LCMT1: variants seen among roughly 807,000 people sequenced by gnomAD.
LCMT1 encodes [Phosphatase 2A protein]-leucine-carboxy methyltransferase 1.
A neutral mutation model predicts 47.7 loss-of-function variants in LCMT1; 32 were observed. The observed-to-expected ratio is 0.67, with a 90% CI of 0.51 to 0.90. The LOEUF (loss-of-function observed/expected upper bound fraction) is 0.90, where lower values mean the gene tolerates loss of function less well. LCMT1 is among the 40% of genes least tolerant of loss of function. LCMT1 has a pLI of 0.00. For synonymous variants in LCMT1, 152 were observed against 149.7 expected (o/e 1.02, Z -0.11); for missense variants, 375 against 415.2 (o/e 0.90, Z 0.84).
At chr16:25,177,296 A>G (rs971286656) in intron 10 of LCMT1, among the ~76,000 whole-genome samples, 2 of 152,186 alleles carry the variant, frequency 1.3e-5, no homozygotes, top group Non-Finnish European at 2.9e-5. Flanking sequence ...GACTAAGAAA[A>G]TCCACCTGTA....
intron 1 of LCMT1, among the ~76,000 whole-genome samples, chr16:25,124,249 T>G (rs1259381968): frequency 1.3e-5 from 2 of 152,206 alleles, no homozygotes; most frequent in Admixed American, 1.3e-4. Context: ...TTTTTCAGAA[T>G]GTATCCTCAT....
intron 1 of LCMT1, among the ~76,000 whole-genome samples, chr16:25,123,292 T>C (rs1472294479): frequency 6.7e-6 from 1 of 149,136 alleles, no homozygotes; most frequent in African/African-American, 2.5e-5. Flanking sequence ...TGGTGCAATC[T>C]TGGCTCACTG....
intron 1 of LCMT1, among the ~76,000 whole-genome samples, chr16:25,113,674 G>A (rs1490787275): frequency 2.6e-5 from 4 of 152,122 alleles, no homozygotes; most frequent in Non-Finnish European, 5.9e-5. Flanking sequence ...TTCTTCTGTG[G>A]CTTTCAGTTG....
At chr16:25,140,590 T>G (rs1960655901) in intron 4 of LCMT1, 1 of 253,328 alleles carries the variant, frequency 3.9e-6, no homozygotes, top group African/African-American at 2.2e-5. Flanking sequence ...GTTGGCTCCC[T>G]GAAGAGGCTT....
intron 3 of LCMT1, 200 bp from the exon 4 acceptor site, chr16:25,139,970 TC>T: frequency 1.8e-6 from 1 of 551,236 alleles, no homozygotes; most frequent in Non-Finnish European, 3.2e-6. Flanking sequence ...TCCTCTGGCT[TC>T]CTGACTTTTT....
At chr16:25,166,602 C>T (rs1228183796) in intron 7 of LCMT1, among the ~76,000 whole-genome samples, 1 of 152,086 alleles carries the variant, frequency 6.6e-6, no homozygotes, top group East Asian at 1.9e-4. Context: ...AGGGTTTCGC[C>T]ATGTTGCCCA....
At chr16:25,145,535 A>G (rs1179406438) in intron 4 of LCMT1, 2 of 152,224 alleles carry the variant, frequency 1.3e-5, no homozygotes, top group Non-Finnish European at 2.9e-5. Flanking sequence ...AGTGTAGTAG[A>G]GTGAAAAACT....
chr16:25,160,856 A>T, intron 5 of LCMT1: 3 of 616,870 alleles, frequency 4.9e-6, no homozygotes, highest in Non-Finnish European at 9.2e-6. Context: ...TGTGCATGAG[A>T]GGGGATGTGT....
chr16:25,167,089 G>A (rs1961611533), intron 7 of LCMT1, among the ~76,000 whole-genome samples: 1 of 152,124 alleles, frequency 6.6e-6, no homozygotes, highest in South Asian at 2.1e-4. Flanking sequence ...AGTGAATTCT[G>A]ACCAGAGATC....
chr16:25,137,636 G>C (rs1960542070), intron 3 of LCMT1, among the ~76,000 whole-genome samples: 1 of 151,538 alleles, frequency 6.6e-6, no homozygotes, highest in Non-Finnish European at 1.5e-5. Flanking sequence ...TAGAGATAGG[G>C]TCTTGCTGTG....
intron 8 of LCMT1, among the ~76,000 whole-genome samples, chr16:25,170,229 T>A (rs1363288151): frequency 6.6e-6 from 1 of 150,680 alleles, no homozygotes; most frequent in Non-Finnish European, 1.5e-5. Context: ...CAAAAAAAAA[T>A]TAAATAAATA....
intron 9 of LCMT1, 103 bp downstream of exon 9, chr16:25,170,908 T>C: frequency 1.3e-6 from 1 of 794,952 alleles, no homozygotes; most frequent in Non-Finnish European, 2.0e-6. Context: ...ATGTGGAGAT[T>C]TCATTAAAAA....
intron 10 of LCMT1, among the ~76,000 whole-genome samples, chr16:25,176,453 A>G (rs1434001316): frequency 2.0e-5 from 3 of 150,444 alleles, no homozygotes; most frequent in African/African-American, 7.4e-5. Context: ...GCCCCTTTGG[A>G]CCTGTCATTC....
chr16:25,149,910 CAAAA>C (rs34229848), intron 4 of LCMT1, among the ~76,000 whole-genome samples: 4 of 60,198 alleles, frequency 6.6e-5, no homozygotes, highest in African/African-American at 1.3e-4. Flanking sequence ...AAGACTGTCT[CAAAA>C]AAAAAAAAAA....
chr16:25,134,600 G>A (rs1023717685), intron 3 of LCMT1, among the ~76,000 whole-genome samples: 1 of 151,912 alleles, frequency 6.6e-6, no homozygotes, highest in Non-Finnish European at 1.5e-5. Flanking sequence ...TTGTTTTTCC[G>A]TCATTGTTAT....
At chr16:25,130,509 G>A (rs1960319330) in intron 2 of LCMT1, among the ~76,000 whole-genome samples, 1 of 152,108 alleles carries the variant, frequency 6.6e-6, no homozygotes, top group Admixed American at 6.6e-5. Flanking sequence ...AAATTAGCCA[G>A]GTGTGGTGGC....
rs751041936 is a variant in LCMT1 at position 25,151,551 on chromosome 16, T to G, written c.405-3T>G. The G allele has an allele frequency of 6.2e-7, 1 of 1,611,856 alleles. No homozygotes were observed. ...TTTTCTCCTCTTTCCCATCTTCCCATAGATGCAAGCCTCCCCTATCCAGCC... is the reference window on the plus strand; with the variant it reads ...TTTTCTCCTCTTTCCCATCTTCCCAGAGATGCAAGCCTCCCCTATCCAGCC... On this transcript the variant is annotated splice_polypyrimidine_tract_variant and splice_region_variant and intron_variant, in intron 4 of 10. Transcript: ENST00000399069.
intron 5 of LCMT1, 108 bp downstream of exon 5, chr16:25,151,723 G>GTGTGT (rs56191741): frequency 4.9e-4 from 359 of 739,164 alleles, no homozygotes; most frequent in Non-Finnish European, 6.4e-4. Flanking sequence ...GTGTGTGTGT[G>GTGTGT]GTGTTATACA....
chr16:25,156,056 G>T (rs576569771), intron 5 of LCMT1, among the ~76,000 whole-genome samples: 1 of 152,088 alleles, frequency 6.6e-6, no homozygotes, highest in Non-Finnish European at 1.5e-5. Flanking sequence ...TGCCAAGAAT[G>T]TTCTTCCCCT....
Sources: allele counts gnomAD v4.1 joint callset (sites outside exome capture counted in the v4.1 genomes callset), GRCh38; gene constraint gnomAD v4.1.1; transcripts MANE v1.5; gene names NCBI Gene and HGNC (gene_info 2026-07-23, HGNC 2026-07-21).